Variants in SLC39A11 observed in about 807,000 individuals in gnomAD.
SLC39A11 encodes zinc transporter ZIP11.
A neutral mutation model predicts 36.1 loss-of-function variants in SLC39A11; 33 were observed. The ratio of observed to expected loss-of-function variants is 0.91; its 90% CI spans 0.69 to 1.22. SLC39A11 has a LOEUF of 1.22. SLC39A11 is among the 50% of genes most tolerant of loss of function. The pLI is 0.00. For synonymous variants in SLC39A11, 166 were observed against 170.3 expected, an observed-to-expected ratio of 0.97 and a Z score of 0.20; for missense variants, 432 against 430.3, an observed-to-expected ratio of 1.00 and a Z score of -0.03.
At chr17:72,926,186 A>T (rs1043174788) in intron 5 of SLC39A11, among the ~76,000 whole-genome samples, 1 of 152,246 alleles carries the variant, frequency 6.6e-6, no homozygotes, top group African/African-American at 2.4e-5. Flanking sequence ...TCTAACAGTG[A>T]AAGTATTAAC....
At chr17:72,710,966 A>C (rs2073084534) in intron 7 of SLC39A11, among the ~76,000 whole-genome samples, 1 of 152,212 alleles carries the variant, frequency 6.6e-6, no homozygotes, top group African/African-American at 2.4e-5. Flanking sequence ...AATTCCAATC[A>C]CATCCTCCCT....
At chr17:72,693,813 C>G (rs1004662715) in intron 7 of SLC39A11, among the ~76,000 whole-genome samples, 11 of 152,202 alleles carry the variant, frequency 7.2e-5, no homozygotes, top group African/African-American at 2.4e-4. Flanking sequence ...CAGGCGCCCA[C>G]CACCACGCCT....
chr17:72,690,679 C>A (rs1455272665), intron 7 of SLC39A11, among the ~76,000 whole-genome samples: 1 of 152,198 alleles, frequency 6.6e-6, no homozygotes. Context: ...TCCCCCAAAT[C>A]CTTCAGTGAC....
At chr17:72,966,961 G>C (rs1660833985) in intron 4 of SLC39A11, among the ~76,000 whole-genome samples, 2 of 152,154 alleles carry the variant, frequency 1.3e-5, no homozygotes, top group South Asian at 4.1e-4. Context: ...GATTCTCAAA[G>C]GAGCATGAGC....
At chr17:72,897,052 C>CAAAAAAAA (rs10656675) in intron 5 of SLC39A11, among the ~76,000 whole-genome samples, 2,283 of 64,050 alleles carry the variant, frequency 0.036, 118 homozygotes, top group Non-Finnish European at 0.042. Context: ...GACTCTGTCT[C>CAAAAAAAA]AAAAAAAAAA....
At chr17:73,081,108 T>C (rs2060495957) in intron 3 of SLC39A11, among the ~76,000 whole-genome samples, 1 of 151,812 alleles carries the variant, frequency 6.6e-6, no homozygotes, top group South Asian at 2.1e-4. Flanking sequence ...TACAAGGAAC[T>C]CAAACAAATC....
chr17:72,925,383 G>T (rs1329085780), intron 5 of SLC39A11, among the ~76,000 whole-genome samples: 1 of 152,118 alleles, frequency 6.6e-6, no homozygotes, highest in Non-Finnish European at 1.5e-5. Flanking sequence ...TATACAAAAT[G>T]ATATATAAGA....
chr17:72,925,268 T>TG (rs2083974704), intron 5 of SLC39A11, among the ~76,000 whole-genome samples: 1 of 152,232 alleles, frequency 6.6e-6, no homozygotes, highest in East Asian at 1.9e-4. Context: ...CCAGACCTGC[T>TG]GATAGAATCT....
At chr17:72,651,087 A>T (rs2069831319) in intron 7 of SLC39A11, among the ~76,000 whole-genome samples, 1 of 152,126 alleles carries the variant, frequency 6.6e-6, no homozygotes, top group Non-Finnish European at 1.5e-5. Context: ...CCCCACCTCG[A>T]GTCTGCCAGT....
intron 9 of SLC39A11, among the ~76,000 whole-genome samples, chr17:72,648,580 C>A (rs1261601917): frequency 6.6e-6 from 1 of 152,086 alleles, no homozygotes; most frequent in East Asian, 1.9e-4. Context: ...GGTGTGTATG[C>A]CACTGCCTGG....
intron 4 of SLC39A11, among the ~76,000 whole-genome samples, chr17:72,971,802 AAGG>A (rs971486044): frequency 6.9e-6 from 1 of 144,204 alleles, no homozygotes; most frequent in Non-Finnish European, 1.5e-5. Flanking sequence ...TGTGTTTAAA[AAGG>A]AGAAGACTCA....
Position 73,070,615 on chromosome 17 carries a change from G to A in SLC39A11, c.147+14193C>T, listed in dbSNP as rs147233077. Among the ~76,000 whole-genome samples the A allele has an allele frequency of 8.9e-4, 136 of 152,270 alleles. 1 individual carries two copies. Among genetic ancestry groups the A allele is most frequent in the Non-Finnish European group, 1.7e-3 (113 of 68,014 alleles). The stretch of plus-strand genomic sequence containing the variant: ...CACATCACAGTCACCTGGTGATATG[G>A]TTTGGCTGTGTCCCCACCCAAACCT... On this transcript the variant is annotated intron_variant, in intron 3 of 9. Transcript: ENST00000255559.
chr17:73,007,317 A>G (rs2090241976), intron 4 of SLC39A11, among the ~76,000 whole-genome samples: 1 of 152,218 alleles, frequency 6.6e-6, no homozygotes, highest in African/African-American at 2.4e-5. Flanking sequence ...GCTACTCAGG[A>G]GGCTGAGGAG....
Position 72,895,000 on chromosome 17 carries a change from C to G in SLC39A11, c.431-45196G>C, listed in dbSNP as rs566903212. 2.2e-3 allele frequency among the ~76,000 whole-genome samples: 329 copies of G among 152,154 alleles called. 1 individual carries two copies. The highest frequency in any genetic ancestry group is 4.8e-3 in the Admixed American group (74 of 15,288). ...TTCATCCTCCTCTCCACTGTTTCCC[C>G]AGAAACTAACGCAGAAACTGATTTG... On this transcript the variant is annotated intron_variant, in intron 5 of 9. Coordinates refer to ENST00000255559, the MANE Select transcript of SLC39A11 (RefSeq NM_139177.4).
intron 3 of SLC39A11, among the ~76,000 whole-genome samples, chr17:73,038,160 G>T (rs1001190602): frequency 1.6e-4 from 24 of 152,046 alleles, no homozygotes; most frequent in African/African-American, 5.5e-4. Flanking sequence ...GGAGGCGGAG[G>T]TGGCAGTGAA....
chr17:72,977,737 C>G (rs1337108618), intron 4 of SLC39A11, among the ~76,000 whole-genome samples: 2 of 152,320 alleles, frequency 1.3e-5, no homozygotes, highest in East Asian at 3.9e-4. Flanking sequence ...CACCCCCACA[C>G]AGCAACAATG....
chr17:72,931,594 T>G (rs780126458), intron 5 of SLC39A11, among the ~76,000 whole-genome samples: 62 of 152,204 alleles, frequency 4.1e-4, no homozygotes, highest in Non-Finnish European at 6.9e-4. Context: ...AGCCATGGGC[T>G]CAGCTGCCCG....
At chr17:72,669,972 G>A (rs1444438046) in intron 7 of SLC39A11, among the ~76,000 whole-genome samples, 5 of 143,266 alleles carry the variant, frequency 3.5e-5, no homozygotes, top group Non-Finnish European at 7.6e-5. Context: ...ACGTATAGAT[G>A]TATATACACA....
chr17:72,958,879 A>G (rs1194589779), intron 4 of SLC39A11, among the ~76,000 whole-genome samples: 1 of 151,792 alleles, frequency 6.6e-6, no homozygotes, highest in Non-Finnish European at 1.5e-5. Flanking sequence ...AAAAAAAAAA[A>G]GAAGATACAC....
Sources: gnomAD v4.1 joint callset for allele counts (sites outside exome capture counted in the v4.1 genomes callset) on GRCh38, gnomAD v4.1.1 for gene constraint, MANE v1.5 for transcripts, NCBI Gene and HGNC (gene_info 2026-07-23, HGNC 2026-07-21) for gene names.